Variants in DPP6 observed in about 807,000 individuals in gnomAD.
DPP6 encodes dipeptidyl peptidase like 6, also known as A-type potassium channel modulatory protein DPP6.
In DPP6, 69 loss-of-function variants were observed where a neutral mutation model predicts 122.6. That is an observed-to-expected ratio of 0.56 (90% CI 0.46 to 0.69). The LOEUF is 0.69. Ranked by LOEUF, DPP6 falls within the 30% of genes least tolerant of loss-of-function variation. The pLI is 0.00. For synonymous variants in DPP6, 418 were observed against 433.1 expected (o/e 0.97, Z 0.43); for missense variants, 928 against 1,116.9 (o/e 0.83, Z 2.41).
Position 154,812,308 on chromosome 7 carries a change from T to C in DPP6, c.1666+5196T>C, listed in dbSNP as rs559269725. Among the ~76,000 whole-genome samples the C allele has an allele frequency of 1.0e-4, 16 of 152,384 alleles. No homozygotes were observed. In the South Asian group the frequency reaches 2.5e-3, roughly 24 times the overall value. On this transcript the variant is annotated intron_variant, in intron 16 of 25. Coordinates refer to ENST00000377770, the MANE Select transcript of DPP6 (RefSeq NM_130797.4). The stretch of plus-strand genomic sequence containing the variant: ...CAGTTTTTGGTAAGTTTAGCTGATA[T>C]TGACCTATCCTGTAACTTATATTCA...
the DPP6 span, among the ~76,000 whole-genome samples, chr7:153,760,123 A>G: frequency 6.6e-6 from 1 of 151,950 alleles, no homozygotes; most frequent in Non-Finnish European, 1.5e-5. Context: ...CCTGGGTTTT[A>G]TTTTGGATTA....
chr7:154,628,596 C>A (rs1467041639), intron 5 of DPP6, among the ~76,000 whole-genome samples: 1 of 152,134 alleles, frequency 6.6e-6, no homozygotes, highest in Non-Finnish European at 1.5e-5. Flanking sequence ...CCAGAAAGAC[C>A]TTATGAGCTG....
At chr7:154,391,633 C>T (rs1814628239) in intron 1 of DPP6, among the ~76,000 whole-genome samples, 1 of 152,218 alleles carries the variant, frequency 6.6e-6, no homozygotes, top group Admixed American at 6.5e-5. Flanking sequence ...ATTTCATCCC[C>T]TCTGTCCTGA....
chr7:153,998,317 A>G (rs961923347), intron 1 of DPP6, among the ~76,000 whole-genome samples: 1 of 152,210 alleles, frequency 6.6e-6, no homozygotes, highest in East Asian at 1.9e-4. Flanking sequence ...TCTATATTTA[A>G]TTTCATGGTA....
At chr7:154,534,185 C>T (rs1245983040) in intron 3 of DPP6, among the ~76,000 whole-genome samples, 6 of 151,920 alleles carry the variant, frequency 3.9e-5, no homozygotes, top group Admixed American at 3.3e-4. Context: ...TAATAATCAG[C>T]GTTTTATGAT....
rs1806873289 is a variant in DPP6, at chr7:154,894,245, G to A, written c.*1765G>A. The A allele has an allele frequency of 6.6e-6, 1 of 152,244 alleles. No homozygotes were observed. Among genetic ancestry groups the A allele is most frequent in the Non-Finnish European group, 1.5e-5 (1 of 68,058 alleles). 9.4% of individuals were successfully genotyped at this position (152,244 alleles called of 1,614,324 possible). A position where few individuals can be genotyped will look rare whatever the true frequency, so the allele number is the denominator to read the frequency against. The stretch of plus-strand genomic sequence containing the variant: ...CGGAGGGAAGTGGGGATGTGGCATG[G>A]TAGCGTCTGTTCATCCATGGAATAA... On this transcript the variant is annotated 3_prime_UTR_variant, in exon 26 of 26. Coordinates refer to ENST00000377770, the MANE Select transcript of DPP6 (RefSeq NM_130797.4).
chr7:154,892,821 G>T lies in DPP6; in HGVS notation c.*341G>T. Reference sequence around the variant, plus strand: ...CGAGCCCACAGGACACCGGCCCCTAGATTCCAGCCACCAAGCGGAAGCATG... The same window carrying T: ...CGAGCCCACAGGACACCGGCCCCTATATTCCAGCCACCAAGCGGAAGCATG... On this transcript the variant is annotated 3_prime_UTR_variant, in exon 26 of 26. Coordinates refer to ENST00000377770, the MANE Select transcript of DPP6 (RefSeq NM_130797.4). The T allele has an allele frequency of 3.6e-6, 2 of 561,722 alleles. No individual in the cohort carries two copies. Among genetic ancestry groups the T allele is most frequent in the South Asian group, 2.8e-5 (2 of 71,960 alleles). The allele number at this position is 561,722 out of a possible 1,614,324, so 34.8% of individuals were successfully genotyped here. A position where few individuals can be genotyped will look rare whatever the true frequency, so the allele number is the denominator to read the frequency against.
chr7:154,467,711 G>C (rs999719382), intron 2 of DPP6, among the ~76,000 whole-genome samples: 3 of 152,130 alleles, frequency 2.0e-5, no homozygotes, highest in Non-Finnish European at 4.4e-5. Flanking sequence ...GTCCAAGCTG[G>C]CAATGTTTCT....
At chr7:154,835,050 C>A (rs1015128295) in intron 16 of DPP6, among the ~76,000 whole-genome samples, 1 of 152,184 alleles carries the variant, frequency 6.6e-6, no homozygotes, top group Non-Finnish European at 1.5e-5. Flanking sequence ...TCTGACATCA[C>A]CTTAGAGCAG....
intron 7 of DPP6, among the ~76,000 whole-genome samples, chr7:154,720,741 C>T (rs112555923): frequency 0.02 from 3,107 of 152,314 alleles, 110 homozygotes; most frequent in African/African-American, 0.067. Context: ...GCCCACAGGG[C>T]AAAGGCCATC....
At chr7:154,873,990 C>A (rs542880122) in intron 19 of DPP6, among the ~76,000 whole-genome samples, 2 of 149,920 alleles carry the variant, frequency 1.3e-5, no homozygotes, top group East Asian at 4.1e-4. Context: ...ACATGCATAC[C>A]CACATGCACA....
At chr7:153,843,339 G>A in the DPP6 span, among the ~76,000 whole-genome samples, 14 of 152,304 alleles carry the variant, frequency 9.2e-5, 1 homozygote, top group South Asian at 2.9e-3. Flanking sequence ...AAGAGTTTCT[G>A]TAAATGTTTC....
intron 8 of DPP6, among the ~76,000 whole-genome samples, 195 bp from the exon 9 acceptor site, chr7:154,769,222 A>G (rs1796088307): frequency 6.6e-6 from 1 of 152,206 alleles, no homozygotes. Context: ...CTTAGTCATC[A>G]GCATCAGACA....
At chr7:154,771,301 TCA>T (rs1254394414) in intron 9 of DPP6, among the ~76,000 whole-genome samples, 1 of 152,214 alleles carries the variant, frequency 6.6e-6, no homozygotes, top group Non-Finnish European at 1.5e-5. Context: ...AATTTCTTTC[TCA>T]CAGTTTTGGC....
Position 154,010,313 on chromosome 7 carries a change from C to T in DPP6, c.51+122579C>T, listed in dbSNP as rs1109715. ...TTCATCTGAGCTATCAGGAAGGCAT[C>T]TTATAGACACATACAACGGAAGCCC... is the stretch of plus-strand genomic sequence containing the variant. On this transcript the variant is annotated intron_variant, in intron 1 of 25. Transcript: ENST00000404039. 2.1e-3 allele frequency among the ~76,000 whole-genome samples: 320 copies of T among 152,356 alleles called. 2 individuals carry two copies. The highest frequency in any genetic ancestry group is 7.2e-3 in the African/African-American group (300 of 41,592).
intron 1 of DPP6, among the ~76,000 whole-genome samples, chr7:154,150,360 G>T (rs956503444): frequency 6.6e-6 from 1 of 152,146 alleles, no homozygotes; most frequent in African/African-American, 2.4e-5. Flanking sequence ...ACCAATCCTG[G>T]GAGCACAGGG....
chr7:154,116,861 A>C (rs565361202), intron 1 of DPP6, among the ~76,000 whole-genome samples: 37 of 152,320 alleles, frequency 2.4e-4, no homozygotes, highest in African/African-American at 8.9e-4. Flanking sequence ...ACCAAATTCT[A>C]AGCTCAGCTT....
At chr7:154,609,191 C>T (rs779218128) in intron 5 of DPP6, among the ~76,000 whole-genome samples, 3 of 152,304 alleles carry the variant, frequency 2.0e-5, no homozygotes, top group Non-Finnish European at 2.9e-5. Flanking sequence ...CGAACAGTTT[C>T]GTTATGTTGT....
At chr7:153,773,133 A>T in the DPP6 span, among the ~76,000 whole-genome samples, 1 of 148,692 alleles carries the variant, frequency 6.7e-6, no homozygotes, top group African/African-American at 2.4e-5. Context: ...GAGGTGTAAC[A>T]ATACTATGTA....
Sources: allele counts gnomAD v4.1 joint callset (sites outside exome capture counted in the v4.1 genomes callset), GRCh38; gene constraint gnomAD v4.1.1; transcripts MANE v1.5; gene names NCBI Gene and HGNC (gene_info 2026-07-23, HGNC 2026-07-21).